The following TACC2 variants were observed in gnomAD, a reference collection of about 807,000 sequenced individuals.
TACC2 encodes the protein transforming acidic coiled-coil containing protein 2.
A neutral mutation model predicts 227.3 loss-of-function variants in TACC2; 137 were observed. The ratio of observed to expected loss-of-function variants is 0.60; its 90% confidence interval spans 0.52 to 0.69. The LOEUF is 0.69. Among genes scored for constraint, TACC2 ranks in the 30% least tolerant of loss-of-function variants. The pLI, the probability that TACC2 is intolerant of heterozygous loss-of-function variation, is 0.00. For synonymous variants in TACC2, 1,523 were observed against 1,487.5 expected (o/e 1.02, Z -0.55); for missense variants, 3,470 against 3,694.4 (o/e 0.94, Z 1.57).
chr10:122,085,526 A>C lies in TACC2; in HGVS notation c.3026A>C (p.Glu1009Ala). Residue 1009 changes from glutamate (E) to alanine (A), a missense_variant, in exon 4 of 23, where the codon GAA becomes GCA. Around this residue, in one of 10 missense-constraint regions of TACC2, gnomAD observed 1,924 missense variants for 1,978.3 expected, o/e 0.97. Transcript: ENST00000369005. The part of the protein sequence containing the change: ...DALEEGSQHE[E>A]ACQRHPGASE... The stretch of plus-strand genomic sequence containing the variant: ...TTGGAAGAAGGCAGCCAGCATGAAG[A>C]AGCATGTCAAAGGCATCCAGGAGCT... 1 of 1,613,442 alleles carries C rather than the reference A, an allele frequency of 6.2e-7. No homozygotes were observed.
At chr10:122,164,714 G>T (rs55925550) in intron 7 of TACC2, among the ~76,000 whole-genome samples, 47,904 of 151,988 alleles carry the variant, frequency 0.32, 7,638 homozygotes, top group Non-Finnish European at 0.33. Context: ...ACGATGGGGC[G>T]TATTGAATGG....
chr10:122,188,322 C>T (rs2094285596), intron 7 of TACC2, among the ~76,000 whole-genome samples: 1 of 152,178 alleles, frequency 6.6e-6, no homozygotes, highest in Non-Finnish European at 1.5e-5. Flanking sequence ...CCCTATCATC[C>T]AGGCTGGAGT....
chr10:122,196,364 G>C (rs1024946162), intron 8 of TACC2, among the ~76,000 whole-genome samples: 2 of 152,174 alleles, frequency 1.3e-5, no homozygotes, highest in African/African-American at 4.8e-5. Flanking sequence ...GCCTTTGGTG[G>C]AGTCTGCCGA....
At chr10:122,006,482 A>AT (rs1201081674) in intron 1 of TACC2, among the ~76,000 whole-genome samples, 6 of 149,592 alleles carry the variant, frequency 4.0e-5, no homozygotes, top group Admixed American at 6.7e-5. Context: ...AAATAAATAA[A>AT]AAATAGGATG....
intron 2 of TACC2, chr10:122,032,989 A>ACAG: frequency 1.5e-6 from 1 of 646,154 alleles, no homozygotes; most frequent in Non-Finnish European, 2.3e-6. Flanking sequence ...AACAACAACA[A>ACAG]CAACAACAAC....
At chr10:122,197,661 A>G (rs767094414) in intron 8 of TACC2, among the ~76,000 whole-genome samples, 3 of 152,238 alleles carry the variant, frequency 2.0e-5, no homozygotes, top group South Asian at 2.1e-4. Context: ...GATTACACCA[A>G]TTGGAGTGTT....
chr10:122,047,083 G>T (rs888884199), intron 2 of TACC2, among the ~76,000 whole-genome samples: 6 of 151,752 alleles, frequency 4.0e-5, no homozygotes, highest in Admixed American at 6.6e-5. Flanking sequence ...AAGGTCAGGA[G>T]TTCGAGACTA....
chr10:122,027,342 A>G (rs1299137314), intron 2 of TACC2, among the ~76,000 whole-genome samples: 2 of 152,114 alleles, frequency 1.3e-5, no homozygotes, highest in Non-Finnish European at 2.9e-5. Context: ...AGTTTCTTGT[A>G]TATTTTGGAT....
intron 16 of TACC2, among the ~76,000 whole-genome samples, chr10:122,231,663 T>C (rs1223553209): frequency 1.3e-5 from 2 of 152,184 alleles, no homozygotes; most frequent in Non-Finnish European, 2.9e-5. Flanking sequence ...TGTTGGGGAC[T>C]AGAACTCAGG....
At chr10:122,040,961 C>T (rs1591370225) in intron 2 of TACC2, among the ~76,000 whole-genome samples, 1 of 152,224 alleles carries the variant, frequency 6.6e-6, no homozygotes, top group Non-Finnish European at 1.5e-5. Context: ...TGGGCAGGTC[C>T]CCCCGGGTCG....
intron 6 of TACC2, among the ~76,000 whole-genome samples, chr10:122,135,857 C>T (rs1213373291): frequency 6.6e-6 from 1 of 152,194 alleles, no homozygotes; most frequent in East Asian, 1.9e-4. Flanking sequence ...AGTGTCCTTA[C>T]GTGGCATAGT....
At chr10:122,067,440 T>G (rs553350814) in intron 3 of TACC2, among the ~76,000 whole-genome samples, 1 of 152,228 alleles carries the variant, frequency 6.6e-6, no homozygotes, top group South Asian at 2.1e-4. Context: ...TATGTTTCAC[T>G]TTTTCACTGG....
At position 122,207,074 on chromosome 10, in the gene TACC2, G is replaced by A. The variant is rs1240331145; in HGVS notation, c.5972-3323G>A. Among the ~76,000 whole-genome samples, 6 of 152,012 alleles carry A rather than the reference G, an allele frequency of 3.9e-5. No homozygotes were observed. In the East Asian group the frequency reaches 1.2e-3, roughly 29 times the overall value. ...AACACTTTGGGAGGCTGAGGCAGAC[G>A]GATCACTTGAGGTCAGGAGTTCAAG... On this transcript the variant is annotated intron_variant, in intron 8 of 22. Coordinates refer to ENST00000369005, the MANE Select transcript of TACC2 (RefSeq NM_206862.4).
chr10:122,046,737 T>G (rs1197899746), intron 2 of TACC2, among the ~76,000 whole-genome samples: 1 of 152,128 alleles, frequency 6.6e-6, no homozygotes, highest in Non-Finnish European at 1.5e-5. Context: ...AAAAGAAATC[T>G]TGCTCATGGA....
chr10:122,057,084 A>G (rs1053466053), intron 3 of TACC2, among the ~76,000 whole-genome samples: 1 of 152,152 alleles, frequency 6.6e-6, no homozygotes, highest in Non-Finnish European at 1.5e-5. Flanking sequence ...TTCAGCTACC[A>G]GAGAGGCTAA....
In TACC2 at chr10:122,238,045, G is replaced by C. The variant is rs759984367; in HGVS notation, c.8348+8G>C. The C allele has an allele frequency of 6.2e-7, 1 of 1,613,248 alleles. No homozygotes were observed. Among genetic ancestry groups the C allele is most frequent in the South Asian group, 1.1e-5 (1 of 91,022 alleles). On this transcript the variant is annotated splice_region_variant and intron_variant, in intron 18 of 22. Transcript: ENST00000369005. Reference sequence around the variant, plus strand: ...GGAAGTGATGGAAATGAGGTCAGTTGGGGAGCTGGGCCTTCCTCGTGCCTG... The same window carrying C: ...GGAAGTGATGGAAATGAGGTCAGTTCGGGAGCTGGGCCTTCCTCGTGCCTG...
intron 5 of TACC2, 105 bp from the exon 6 acceptor site, chr10:122,132,504 G>A (rs1387038669): frequency 1.5e-5 from 20 of 1,361,068 alleles, no homozygotes; most frequent in East Asian, 4.6e-5. Flanking sequence ...AGCGGAGATC[G>A]CGCCATTGCC....
intron 1 of TACC2, among the ~76,000 whole-genome samples, chr10:122,006,394 A>T (rs1379398114): frequency 6.6e-6 from 1 of 152,120 alleles, no homozygotes; most frequent in Non-Finnish European, 1.5e-5. Flanking sequence ...GCTTGCAGTG[A>T]GCCGAGATTG....
At chr10:122,197,614 G>A (rs539545005) in intron 8 of TACC2, among the ~76,000 whole-genome samples, 1 of 152,376 alleles carries the variant, frequency 6.6e-6, no homozygotes, top group African/African-American at 2.4e-5. Flanking sequence ...GGATGGAAAC[G>A]TTAATTGCTG....
Sources: gnomAD v4.1 joint callset for allele counts (sites outside exome capture counted in the v4.1 genomes callset) on GRCh38, gnomAD v4.1.1 for gene constraint, gnomAD v4.1.1 regional missense constraint, MANE v1.5 for transcripts, NCBI Gene and HGNC (gene_info 2026-07-23, HGNC 2026-07-21) for gene names.